RBFOX1: variants seen among roughly 807,000 people sequenced by gnomAD.
RBFOX1 encodes the protein RNA binding fox-1 homolog 1, also known as RNA binding protein fox-1 homolog 1.
Under a neutral mutation model 57.7 loss-of-function variants are expected in RBFOX1, and 8 were observed. The ratio of observed to expected loss-of-function variants is 0.14; its 90% confidence interval spans 0.08 to 0.25. The LOEUF (loss-of-function observed/expected upper bound fraction) is 0.25. RBFOX1 is among the 10% of genes least tolerant of loss of function. The pLI is 1.00. For missense variants in RBFOX1, 611 were observed against 548.5 expected, an observed-to-expected ratio of 1.11 and a Z score of -1.14; for synonymous variants, 326 against 222.4, an observed-to-expected ratio of 1.47 and a Z score of -4.15.
At chr16:6,353,040 C>G (rs912177804) in intron 2 of RBFOX1, among the ~76,000 whole-genome samples, 1 of 152,062 alleles carries the variant, frequency 6.6e-6, no homozygotes, top group Admixed American at 6.6e-5. Context: ...CGGCTGCTTT[C>G]TCGGAGAAAC....
rs560294025 is a variant in RBFOX1, at chr16:7,349,433, A to G, written c.28-168714A>G. On this transcript the variant is annotated intron_variant, in intron 4 of 15. Transcript: ENST00000550418. ...AAAGTATAACATTTTTCCTTTGTAGATTGGAGAAAGAAGTCATGGATCGGG... is the reference window on the plus strand; with the variant it reads ...AAAGTATAACATTTTTCCTTTGTAGGTTGGAGAAAGAAGTCATGGATCGGG... 4.6e-5 allele frequency among the ~76,000 whole-genome samples: 7 copies of G among 152,320 alleles called. No individual in the cohort carries two copies. In the South Asian group the frequency reaches 1.5e-3, roughly 32 times the overall value.
chr16:7,000,596 C>CTTTTTTTTTT lies in RBFOX1; in HGVS notation c.-15-51449_-15-51440dup. The stretch of plus-strand genomic sequence containing the variant: ...TTTCTTTTTTTCTTTCTTTTTCTTT[C>CTTTTTTTTTT]TTTTTTTTTTTTTTTTTTTTTGAGA... On this transcript the variant is annotated intron_variant, in intron 3 of 15. Transcript: ENST00000550418. Among the ~76,000 whole-genome samples, 187 of 92,560 alleles carry CTTTTTTTTTT rather than the reference C, an allele frequency of 2.0e-3. 1 individual carries two copies. Among genetic ancestry groups the CTTTTTTTTTT allele is most frequent in the Non-Finnish European group, 2.5e-3 (129 of 50,834 alleles). 60.7% of individuals were successfully genotyped at this position (92,560 alleles called of 152,430 possible).
chr16:6,000,341 C>G (rs991026691), intron 4 of RBFOX1, among the ~76,000 whole-genome samples: 1 of 152,108 alleles, frequency 6.6e-6, no homozygotes, highest in Non-Finnish European at 1.5e-5. Context: ...CATGCCAAAG[C>G]TCAGCCCTGA....
At chr16:6,983,976 G>A (rs1313527765) in intron 3 of RBFOX1, among the ~76,000 whole-genome samples, 1 of 152,110 alleles carries the variant, frequency 6.6e-6, no homozygotes, top group Non-Finnish European at 1.5e-5. Flanking sequence ...GGCCTGGAGT[G>A]GTGGCTGAAC....
Position 7,081,393 on chromosome 16 carries a change from TTG to T in RBFOX1, c.27+29301_27+29302del, listed in dbSNP as rs1340947697. 4.6e-5 allele frequency among the ~76,000 whole-genome samples: 7 copies of T among 152,242 alleles called. No individual in the cohort carries two copies. The East Asian group carries it at 1.4e-3, about 29-fold the overall frequency. ...ATAGTGTTCATTCTACTAAACCTGT[TTG>T]TGTGTTTGTGTCCTAAACTTTAGCT... On this transcript the variant is annotated intron_variant, in intron 4 of 15. Coordinates refer to ENST00000550418, the MANE Select transcript of RBFOX1 (RefSeq NM_018723.4).
At chr16:6,348,247 G>A (rs1016339343) in intron 2 of RBFOX1, among the ~76,000 whole-genome samples, 1 of 152,156 alleles carries the variant, frequency 6.6e-6, no homozygotes, top group South Asian at 2.1e-4. Context: ...CACTGTTTAG[G>A]AGCTGTGTAA....
At chr16:7,501,925 C>G (rs533642936) in intron 4 of RBFOX1, among the ~76,000 whole-genome samples, 9 of 152,140 alleles carry the variant, frequency 5.9e-5, no homozygotes, top group African/African-American at 1.9e-4. Flanking sequence ...CTGTAGCCCC[C>G]AAACATAGCA....
intron 5 of RBFOX1, among the ~76,000 whole-genome samples, chr16:7,539,392 CCAGTG>C (rs2082316163): frequency 6.6e-6 from 1 of 152,042 alleles, no homozygotes; most frequent in Admixed American, 6.6e-5. Context: ...CTCTCTATTC[CCAGTG>C]CAGCTTCCTC....
At chr16:6,245,769 G>C (rs1170559301) in intron 1 of RBFOX1, among the ~76,000 whole-genome samples, 2 of 152,150 alleles carry the variant, frequency 1.3e-5, no homozygotes, top group South Asian at 4.2e-4. Flanking sequence ...ACTCAGCAGT[G>C]AAACAAGAAT....
intron 3 of RBFOX1, among the ~76,000 whole-genome samples, chr16:6,786,509 T>G: frequency 6.6e-6 from 1 of 152,138 alleles, no homozygotes; most frequent in South Asian, 2.1e-4. Context: ...AGACTGTAGC[T>G]GTGAACATTT....
chr16:7,549,770 T>C (rs1298888096), intron 5 of RBFOX1, among the ~76,000 whole-genome samples: 1 of 152,138 alleles, frequency 6.6e-6, no homozygotes, highest in Non-Finnish European at 1.5e-5. Flanking sequence ...TAGATTTGTG[T>C]CCACTCAGAT....
intron 2 of RBFOX1, among the ~76,000 whole-genome samples, chr16:6,430,217 C>A (rs529239225): frequency 6.6e-6 from 1 of 152,114 alleles, no homozygotes; most frequent in African/African-American, 2.4e-5. Flanking sequence ...GACTAATACA[C>A]CTACTGTGTG....
intron 1 of RBFOX1, among the ~76,000 whole-genome samples, chr16:6,217,785 C>G (rs538652255): frequency 6.6e-6 from 1 of 152,070 alleles, no homozygotes; most frequent in African/African-American, 2.4e-5. Flanking sequence ...GAGGCTAAGG[C>G]GGGTGGATCA....
intron 1 of RBFOX1, among the ~76,000 whole-genome samples, chr16:6,058,524 C>T (rs1281801749): frequency 2.0e-5 from 3 of 152,124 alleles, no homozygotes; most frequent in Admixed American, 6.5e-5. Flanking sequence ...CAGAAAATAT[C>T]GAGATCCGTC....
chr16:6,518,971 G>T (rs2096446934), intron 2 of RBFOX1, among the ~76,000 whole-genome samples: 1 of 151,704 alleles, frequency 6.6e-6, no homozygotes, highest in African/African-American at 2.4e-5. Context: ...CACCTAGTGG[G>T]GCCAGAAAAT....
intron 1 of RBFOX1, among the ~76,000 whole-genome samples, chr16:6,314,958 G>T (rs1250172798): frequency 1.3e-5 from 2 of 152,116 alleles, no homozygotes; most frequent in Non-Finnish European, 2.9e-5. Flanking sequence ...TTCCTTGATG[G>T]AGCCTTCCCC....
rs185420360 is a variant in RBFOX1 at position 6,031,967 on chromosome 16, C to A, written c.-127+11975C>A. ...GGTCATTTGTTCACTGTAGTCCACC[C>A]CTGAATTGTTCCCTCACTGGCTCTG... On this transcript the variant is annotated intron_variant, in intron 1 of 15. Transcript: ENST00000550418. 2.3e-3 allele frequency among the ~76,000 whole-genome samples: 343 copies of A among 152,268 alleles called. 3 individuals carry two copies. The highest frequency in any genetic ancestry group is 4.0e-4 in the Non-Finnish European group (27 of 68,028).
chr16:6,697,173 G>C (rs770710448), intron 3 of RBFOX1, among the ~76,000 whole-genome samples: 27 of 152,154 alleles, frequency 1.8e-4, no homozygotes, highest in Non-Finnish European at 2.4e-4. Flanking sequence ...TACCTTGGTG[G>C]TGATGATGTT....
chr16:6,095,890 C>T (rs1045044625), intron 1 of RBFOX1, among the ~76,000 whole-genome samples: 1 of 152,126 alleles, frequency 6.6e-6, no homozygotes, highest in African/African-American at 2.4e-5. Context: ...TATCTCCTGG[C>T]GTGCCTTCCC....
Sources: gnomAD v4.1 joint callset for allele counts (sites outside exome capture counted in the v4.1 genomes callset) on GRCh38, gnomAD v4.1.1 for gene constraint, MANE v1.5 for transcripts, NCBI Gene and HGNC (gene_info 2026-07-23, HGNC 2026-07-21) for gene names.